APBA2: variants seen among roughly 807,000 people sequenced by gnomAD.
APBA2 encodes amyloid-beta A4 precursor protein-binding family A member 2.
Under a neutral mutation model 75.0 loss-of-function variants are expected in APBA2, and 30 were observed. The ratio of observed to expected loss-of-function variants is 0.40; its 90% CI spans 0.30 to 0.54. The LOEUF is 0.54. APBA2 is among the 20% of genes least tolerant of loss of function. The pLI, the probability that APBA2 is intolerant of heterozygous loss-of-function variation, is 0.49. For missense variants in APBA2, 801 were observed against 1,016.1 expected (o/e 0.79, Z 2.88); for synonymous variants, 444 against 409.6 (o/e 1.08, Z -1.01).
chr15:29,092,969 C>A, intron 6 of APBA2, 106 bp from the exon 7 acceptor site: 1 of 1,462,086 alleles, frequency 6.8e-7, no homozygotes, highest in Non-Finnish European at 9.5e-7. Flanking sequence ...TTCTAGTTTG[C>A]CCCGCATCCT....
intron 1 of APBA2, among the ~76,000 whole-genome samples, chr15:28,887,148 G>A (rs2031797925): frequency 6.6e-6 from 1 of 152,240 alleles, no homozygotes; most frequent in South Asian, 2.1e-4. Context: ...GATCTATTCA[G>A]ATACGACCTG....
intron 3 of APBA2, among the ~76,000 whole-genome samples, chr15:29,051,082 T>G (rs2041573059): frequency 6.6e-6 from 1 of 152,116 alleles, no homozygotes; most frequent in Non-Finnish European, 1.5e-5. Flanking sequence ...GTCTGAGAGT[T>G]GTGGTTGCTA....
At chr15:29,012,963 A>G (rs1463683589) in intron 3 of APBA2, among the ~76,000 whole-genome samples, 1 of 152,144 alleles carries the variant, frequency 6.6e-6, no homozygotes, top group African/African-American at 2.4e-5. Flanking sequence ...ATTTCTGGGT[A>G]ATTATCTACT....
chr15:28,898,402 C>T (rs981834959), intron 1 of APBA2, among the ~76,000 whole-genome samples: 5 of 152,128 alleles, frequency 3.3e-5, no homozygotes, highest in East Asian at 3.8e-4. Flanking sequence ...TACGGCAGGC[C>T]GAGAATGAGC....
intron 3 of APBA2, among the ~76,000 whole-genome samples, chr15:29,003,349 T>C (rs1595702087): frequency 6.6e-6 from 1 of 152,222 alleles, no homozygotes; most frequent in East Asian, 1.9e-4. Flanking sequence ...CATCTGCTGC[T>C]ACTGGAGATA....
intron 2 of APBA2, among the ~76,000 whole-genome samples, chr15:28,973,501 A>G (rs991414561): frequency 2.0e-5 from 3 of 152,218 alleles, no homozygotes; most frequent in Non-Finnish European, 4.4e-5. Context: ...CTGTTGTCAC[A>G]TAGAGGATGA....
At chr15:28,896,425 G>A (rs1258059036) in intron 1 of APBA2, among the ~76,000 whole-genome samples, 1 of 152,162 alleles carries the variant, frequency 6.6e-6, no homozygotes, top group Non-Finnish European at 1.5e-5. Flanking sequence ...GACTACAGGC[G>A]CCCGCCACCA....
In APBA2 at chr15:28,926,855, C is replaced by T. The variant is rs1376545959; in HGVS notation, c.-95+5106C>T. On this transcript the variant is annotated intron_variant, in intron 2 of 14. Coordinates refer to ENST00000683413, the MANE Select transcript of APBA2 (RefSeq NM_001353788.2). ...GGATTTCACTCCACTCTCTCTCTCT[C>T]TCTTTTTTTTTTTTTTTTTGAGACA... 8.1e-3 allele frequency among the ~76,000 whole-genome samples: 1,102 copies of T among 136,530 alleles called. 35 individuals carry two copies. Among genetic ancestry groups the T allele is most frequent in the African/African-American group, 0.032 (1,052 of 32,374 alleles). 89.6% of individuals were successfully genotyped at this position (136,530 alleles called of 152,430 possible).
intron 1 of APBA2, among the ~76,000 whole-genome samples, chr15:28,899,347 G>C (rs1306794865): frequency 6.6e-6 from 1 of 152,214 alleles, no homozygotes; most frequent in Non-Finnish European, 1.5e-5. Flanking sequence ...CTTCCGGGTT[G>C]CCCCCAGAGC....
intron 3 of APBA2, among the ~76,000 whole-genome samples, chr15:29,043,106 A>G (rs551745412): frequency 6.6e-6 from 1 of 152,276 alleles, no homozygotes; most frequent in East Asian, 1.9e-4. Context: ...CGGCCAGGCC[A>G]GAAGTGCACA....
rs762313117 is a variant in APBA2 at position 29,106,813 on chromosome 15, C to T, written c.1911C>T (p.Ile637=). 57 of 1,612,646 alleles carry T rather than the reference C, an allele frequency of 3.5e-5. No individual in the cohort carries two copies. The East Asian group carries it at 6.9e-4, about 20-fold the overall frequency. The change falls in exon 12 of 15, where the codon ATC becomes ATT. Residue 637 remains isoleucine, a synonymous_variant. Transcript: ENST00000683413. ...TGCCCCTCGCCACCTGCCAAGGCAT[C>T]ATCAAGGTAGGCACCCTGGGATCCT... ...VGLPLATCQG[I]IKGLKNQTQV...
chr15:28,979,752 C>T (rs1037996218), intron 2 of APBA2, among the ~76,000 whole-genome samples: 5 of 152,140 alleles, frequency 3.3e-5, no homozygotes, highest in African/African-American at 7.2e-5. Flanking sequence ...TCTCTGACCC[C>T]GTAGGTTTGG....
At position 29,054,362 on chromosome 15, in the gene APBA2, T is replaced by G; in HGVS notation, c.478T>G (p.Tyr160Asp). The G allele has an allele frequency of 1.2e-6, 2 of 1,614,068 alleles. No homozygotes were observed. The highest frequency in any genetic ancestry group is 1.7e-6 in the Non-Finnish European group (2 of 1,180,024). Reference sequence around the variant, plus strand: ...CCACGAGGCTGAAGGCAGCCAGGACTACCCAGACGGCCAACTGCCCATTCC... The same window carrying G: ...CCACGAGGCTGAAGGCAGCCAGGACGACCCAGACGGCCAACTGCCCATTCC... ...HGHEAEGSQD[Y>D]PDGQLPIPED... The change falls in exon 4 of 15, where the codon TAC (tyrosine) becomes GAC (aspartate). Residue 160 changes from tyrosine (Y) to aspartate (D), a missense_variant. Physicochemically the swap from Tyr to Asp is radical, Grantham distance 160 (BLOSUM62 -3). Coordinates refer to ENST00000683413, the MANE Select transcript of APBA2 (RefSeq NM_001353788.2). This position sits in a 1 kb window ranked among gnomAD's most constrained non-coding sequence, Gnocchi z 6.1.
intron 2 of APBA2, among the ~76,000 whole-genome samples, chr15:28,934,106 G>C (rs1171430340): frequency 6.6e-6 from 1 of 152,102 alleles, no homozygotes; most frequent in Non-Finnish European, 1.5e-5. Context: ...AGAGACGGGG[G>C]TGGAGGAGAG....
intron 2 of APBA2, among the ~76,000 whole-genome samples, chr15:28,938,659 C>A (rs1193918256): frequency 1.3e-5 from 2 of 152,098 alleles, no homozygotes; most frequent in Non-Finnish European, 2.9e-5. Context: ...AAGAGGTACG[C>A]CACCTCGCCT....
intron 3 of APBA2, among the ~76,000 whole-genome samples, chr15:29,004,245 T>C (rs1043378291): frequency 6.6e-6 from 1 of 152,212 alleles, no homozygotes; most frequent in African/African-American, 2.4e-5. Flanking sequence ...CCATGTGGCT[T>C]CTGAGCAGAC....
intron 8 of APBA2, among the ~76,000 whole-genome samples, chr15:29,096,103 A>G (rs1745032011): frequency 3.3e-5 from 5 of 152,114 alleles, no homozygotes; most frequent in Admixed American, 3.3e-4. Flanking sequence ...TCCTTTTTGG[A>G]AAGTGGGATG....
chr15:29,073,879 G>A (rs1460809003), intron 4 of APBA2, among the ~76,000 whole-genome samples: 2 of 152,196 alleles, frequency 1.3e-5, no homozygotes. Context: ...ATTAATTGAA[G>A]TAGAAGCAGT....
At chr15:28,921,152 C>G (rs1310623852) in intron 1 of APBA2, among the ~76,000 whole-genome samples, 2 of 152,178 alleles carry the variant, frequency 1.3e-5, no homozygotes, top group Non-Finnish European at 2.9e-5. Flanking sequence ...AGCTCTGTAT[C>G]TCAGGCAGCA....
Sources: gnomAD v4.1 joint callset for allele counts (sites outside exome capture counted in the v4.1 genomes callset) on GRCh38, gnomAD v4.1.1 for gene constraint, Gnocchi (gnomAD v3.1) non-coding constraint, MANE v1.5 for transcripts, NCBI Gene and HGNC (gene_info 2026-07-23, HGNC 2026-07-21) for gene names.